Variants in DNAJC2 observed in about 807,000 individuals in gnomAD.
The protein encoded by DNAJC2 is dnaJ homolog subfamily C member 2.
In DNAJC2, 32 loss-of-function variants were observed where a neutral mutation model predicts 94.0. The ratio of observed to expected loss-of-function variants is 0.34; its 90% CI spans 0.26 to 0.46. DNAJC2 has a LOEUF of 0.46. Ranked by LOEUF, DNAJC2 falls within the 20% of genes least tolerant of loss-of-function variation. DNAJC2 has a pLI of 1.00. For missense variants in DNAJC2, 550 were observed against 719.5 expected, an observed-to-expected ratio of 0.76 and a Z score of 2.69; for synonymous variants, 210 against 229.7, an observed-to-expected ratio of 0.91 and a Z score of 0.77.
Position 103,341,896 on chromosome 7 carries a change from C to T in DNAJC2, c.123G>A (p.Arg41=), listed in dbSNP as rs762232736. The T allele has an allele frequency of 1.2e-6, 2 of 1,612,730 alleles. No individual in the cohort carries two copies. Among genetic ancestry groups the T allele is most frequent in the South Asian group, 1.1e-5 (1 of 90,734 alleles). The change falls in exon 2 of 17, where the codon AGG becomes AGA. Residue 41 remains arginine, a synonymous_variant. Transcript: ENST00000379263. The part of the protein sequence containing the change: ...VGRWFEAFVK[R]RNRNASASFQ... ...AAGAGGCAGAAGCATTTCTGTTTCTCCTCTTAACAAAAGCTTCAAACCATC... is the reference window on the plus strand; with the variant it reads ...AAGAGGCAGAAGCATTTCTGTTTCTTCTCTTAACAAAAGCTTCAAACCATC...
chr7:103,341,732 C>G (rs374279066), intron 2 of DNAJC2, 32 bp downstream of exon 2: 61 of 1,497,240 alleles, frequency 4.1e-5, no homozygotes, highest in Non-Finnish European at 5.4e-5. Context: ...AACAAAGCAT[C>G]TGACTGAACA....
intron 3 of DNAJC2, chr7:103,329,152 C>T: frequency 2.9e-6 from 1 of 344,608 alleles, no homozygotes; most frequent in Non-Finnish European, 5.5e-6. Context: ...TCTTCTGACT[C>T]TGTGTGTCAC....
chr7:103,312,338 G>C lies in DNAJC2; in HGVS notation c.*231C>G. ...AACAGAGCTAGAGAAAAATAAAAAT[G>C]AACATGTATATACATTTGGAAATTT... is the stretch of plus-strand genomic sequence containing the variant. On this transcript the variant is annotated 3_prime_UTR_variant, in exon 17 of 17. Transcript: ENST00000379263. The C allele has an allele frequency of 6.3e-7, 1 of 1,591,584 alleles. No homozygotes were observed. The highest frequency in any genetic ancestry group is 2.2e-5 in the East Asian group (1 of 44,674).
intron 3 of DNAJC2, chr7:103,336,086 G>C (rs145175784): frequency 3.3e-5 from 5 of 152,564 alleles, no homozygotes; most frequent in African/African-American, 1.2e-4. Flanking sequence ...AGAATCGCTT[G>C]AACCTGGGAG....
At chr7:103,313,999 A>C (rs1331600154) in intron 15 of DNAJC2, 2 of 985,310 alleles carry the variant, frequency 2.0e-6, no homozygotes, top group African/African-American at 3.5e-5. Flanking sequence ...CCTAGAAACC[A>C]AAGTTCCTTC....
chr7:103,320,479 C>CA (rs978794069), intron 10 of DNAJC2, among the ~76,000 whole-genome samples: 6 of 151,804 alleles, frequency 4.0e-5, no homozygotes, highest in African/African-American at 1.4e-4. Context: ...ATTATCAAAC[C>CA]AAAAAACAAG....
chr7:103,318,018 C>T (rs151138127), intron 12 of DNAJC2, among the ~76,000 whole-genome samples: 43 of 152,274 alleles, frequency 2.8e-4, no homozygotes, highest in Admixed American at 1.4e-3. Flanking sequence ...TATCCACAAA[C>T]GTCAGATTAG....
chr7:103,317,298 G>A, intron 12 of DNAJC2: 1 of 332,124 alleles, frequency 3.0e-6, no homozygotes, highest in Non-Finnish European at 5.4e-6. Context: ...CAAGTCTGTG[G>A]GTCACTGAGT....
chr7:103,340,957 G>C (rs959783115), intron 2 of DNAJC2, among the ~76,000 whole-genome samples: 30 of 152,220 alleles, frequency 2.0e-4, no homozygotes, highest in African/African-American at 7.0e-4. Context: ...TCCCAGCATT[G>C]GTTACTGACC....
chr7:103,326,753 T>C (rs1404931838), intron 4 of DNAJC2, 69 bp from the exon 5 acceptor site: 6 of 1,437,150 alleles, frequency 4.2e-6, no homozygotes, highest in Non-Finnish European at 5.6e-6. Flanking sequence ...AAAACAAGTA[T>C]TTCCCTCCTT....
At chr7:103,313,782 A>G (rs1817892847) in intron 15 of DNAJC2, 3 of 985,374 alleles carry the variant, frequency 3.0e-6, no homozygotes, top group Non-Finnish European at 3.6e-6. Flanking sequence ...TCAGAAACAA[A>G]TATGTTTCTT....
intron 12 of DNAJC2, among the ~76,000 whole-genome samples, chr7:103,318,902 C>T (rs1243070489): frequency 6.6e-6 from 1 of 152,162 alleles, no homozygotes; most frequent in Non-Finnish European, 1.5e-5. Context: ...CAACTTAAAT[C>T]AACAACAGCA....
intron 9 of DNAJC2, 105 bp from the exon 10 acceptor site, chr7:103,322,186 G>A: frequency 1.1e-6 from 1 of 875,652 alleles, no homozygotes; most frequent in Non-Finnish European, 1.6e-6. Context: ...TAGGAAAAAA[G>A]GCAACATAAA....
At chr7:103,337,055 G>A (rs1394408592) in intron 3 of DNAJC2, 1 of 152,126 alleles carries the variant, frequency 6.6e-6, no homozygotes, top group African/African-American at 2.4e-5. Context: ...CTAGAGTGGA[G>A]GGCAGAACAT....
chr7:103,312,976 T>A lies in DNAJC2; in HGVS notation c.1762A>T (p.Thr588Ser), dbSNP rs1361770771. Residue 588 changes from threonine to serine, a missense_variant, in exon 16 of 17, where the codon ACA (threonine) becomes TCA (serine). By Grantham distance (58) the Thr-to-Ser change is moderately conservative. Around this residue, in one of 2 missense-constraint regions of DNAJC2, gnomAD observed 271 missense variants for 302.6 expected, o/e 0.90. Coordinates refer to ENST00000379263, the MANE Select transcript of DNAJC2 (RefSeq NM_014377.3). ...EKIAEAVPGR[T>S]KKDCMKRYKE... ...TATCGTTTCATGCAGTCCTTCTTTG[T>A]CCTGCCAGGCACCGCTTCTGCTATT... is the stretch of plus-strand genomic sequence containing the variant. The A allele has an allele frequency of 6.2e-7, 1 of 1,613,988 alleles. No homozygotes were observed. Among genetic ancestry groups the A allele is most frequent in the South Asian group, 1.1e-5 (1 of 91,058 alleles).
intron 12 of DNAJC2, among the ~76,000 whole-genome samples, chr7:103,319,071 G>C (rs145948119): frequency 0.021 from 3,148 of 152,234 alleles, 104 homozygotes; most frequent in African/African-American, 0.072. Context: ...AATCAGCCGG[G>C]CATGGTGGCA....
chr7:103,322,796 T>C lies in DNAJC2; in HGVS notation c.720-2A>G. 1.2e-6 allele frequency: 2 copies of C among 1,600,122 alleles called. No individual in the cohort carries two copies. Among genetic ancestry groups the C allele is most frequent in the Non-Finnish European group, 8.5e-7 (1 of 1,177,476 alleles). ...TCAATCCATCTCCTCTCATCACGAC[T>C]ATAAAATAGAAAATATTGGAAACAA... On this transcript the variant is annotated splice_acceptor_variant, in intron 7 of 16. Coordinates refer to ENST00000379263, the MANE Select transcript of DNAJC2 (RefSeq NM_014377.3). LOFTEE classifies it high-confidence loss of function.
chr7:103,313,762 AAGATG>A, intron 15 of DNAJC2: 1 of 985,058 alleles, frequency 1.0e-6, no homozygotes. Context: ...GAAAACATCT[AAGATG>A]TGTGTCAGAA....
intron 2 of DNAJC2, among the ~76,000 whole-genome samples, chr7:103,340,252 C>T (rs1277636770): frequency 1.3e-5 from 2 of 152,216 alleles, no homozygotes; most frequent in African/African-American, 4.8e-5. Context: ...CTACTTCTGT[C>T]ACCCTTCTTA....
Sources: allele counts gnomAD v4.1 joint callset (sites outside exome capture counted in the v4.1 genomes callset), GRCh38; gene constraint gnomAD v4.1.1; regional missense constraint gnomAD v4.1.1; transcripts MANE v1.5; gene names NCBI Gene and HGNC (gene_info 2026-07-23, HGNC 2026-07-21).